DLGAP2: variants seen among roughly 807,000 people sequenced by gnomAD.
The protein encoded by DLGAP2 is DLG associated protein 2.
Under a neutral mutation model 100.3 loss-of-function variants are expected in DLGAP2, and 26 were observed. The observed-to-expected ratio is 0.26, with a 90% CI of 0.19 to 0.36. DLGAP2 has a LOEUF of 0.36. DLGAP2 is among the 10% of genes least tolerant of loss of function. The pLI is 1.00. For synonymous variants in DLGAP2, 886 were observed against 630.1 expected (o/e 1.41, Z -6.08); for missense variants, 1,858 against 1,453.2 (o/e 1.28, Z -4.53).
At chr8:1,516,886 C>T (rs1800412168) in intron 4 of DLGAP2, among the ~76,000 whole-genome samples, 1 of 152,190 alleles carries the variant, frequency 6.6e-6, no homozygotes, top group African/African-American at 2.4e-5. Context: ...CCTACAGCTT[C>T]AAGAGGATGA....
At chr8:779,168 C>T (rs553121723) in intron 1 of DLGAP2, among the ~76,000 whole-genome samples, 34 of 152,348 alleles carry the variant, frequency 2.2e-4, no homozygotes, top group African/African-American at 7.0e-4. Flanking sequence ...TTGCGCTTCC[C>T]GAGTGAGGCA....
chr8:1,501,344 G>A (rs1227579640), intron 3 of DLGAP2, 22 bp from the exon 4 acceptor site: 2 of 1,535,836 alleles, frequency 1.3e-6, no homozygotes, highest in Non-Finnish European at 1.7e-6. Context: ...ATTAAAGAGT[G>A]ACTTTGTTTC....
At chr8:808,924 T>TTTTTTTTG (rs1796318767) in intron 1 of DLGAP2, among the ~76,000 whole-genome samples, 1 of 127,044 alleles carries the variant, frequency 7.9e-6, no homozygotes. Context: ...TTTTTTTTTC[T>TTTTTTTTG]GAGATGGAGT....
At chr8:1,691,793 G>A (rs998496969) in intron 13 of DLGAP2, among the ~76,000 whole-genome samples, 167 bp downstream of exon 13, 1 of 152,016 alleles carries the variant, frequency 6.6e-6, no homozygotes, top group Non-Finnish European at 1.5e-5. Flanking sequence ...GAGACGATTC[G>A]GCCCTGGTTT....
intron 3 of DLGAP2, among the ~76,000 whole-genome samples, chr8:1,308,234 C>T (rs1376166586): frequency 6.6e-6 from 1 of 152,164 alleles, no homozygotes; most frequent in Non-Finnish European, 1.5e-5. Flanking sequence ...TCGTTTGTAG[C>T]TCTTGGCATT....
chr8:946,879 CG>C (rs1799339025), intron 2 of DLGAP2, among the ~76,000 whole-genome samples: 1 of 152,210 alleles, frequency 6.6e-6, no homozygotes, highest in African/African-American at 2.4e-5. Context: ...CAGCAGCCTT[CG>C]TAGCACAGTC....
Position 1,196,071 on chromosome 8 carries a change from G to A in DLGAP2, c.74-62780G>A, listed in dbSNP as rs987617025. Among the ~76,000 whole-genome samples, 4 of 152,296 alleles carry A rather than the reference G, an allele frequency of 2.6e-5. 1 individual carries two copies. The stretch of plus-strand genomic sequence containing the variant: ...AAAATGAAACTGAGGCCACAACCTG[G>A]AAAGCTGTGTCATAACTTAGGCATC... On this transcript the variant is annotated intron_variant, in intron 2 of 14. Transcript: ENST00000637795.
rs111902061 is a variant in DLGAP2, at chr8:1,255,460, C to G, written c.74-3391C>G. Among the ~76,000 whole-genome samples the G allele has an allele frequency of 1.6e-3, 210 of 129,520 alleles. 5 individuals carry two copies. The highest frequency in any genetic ancestry group is 5.7e-3 in the African/African-American group (194 of 33,992). The allele number at this position is 129,520 out of a possible 152,430, so 85.0% of individuals were successfully genotyped here. A position where few individuals can be genotyped will look rare whatever the true frequency, so the allele number is the denominator to read the frequency against. On this transcript the variant is annotated intron_variant, in intron 2 of 14. Transcript: ENST00000637795. ...TGCCCGAGCACTGTATGTGTGTCCT[C>G]TCTTGCCTGGGTGCTGTGTGTGTGT...
At chr8:888,370 A>G (rs915002413) in intron 1 of DLGAP2, among the ~76,000 whole-genome samples, 4 of 152,178 alleles carry the variant, frequency 2.6e-5, no homozygotes, top group African/African-American at 9.7e-5. Flanking sequence ...CATCTTCTGA[A>G]GCTTACTTCT....
intron 2 of DLGAP2, among the ~76,000 whole-genome samples, chr8:1,252,873 T>C (rs1048988488): frequency 6.6e-6 from 1 of 152,202 alleles, no homozygotes; most frequent in Admixed American, 6.5e-5. Flanking sequence ...TTGGTGTTTT[T>C]CTCCCTGTGT....
At chr8:741,333 C>T (rs768322011) in intron 1 of DLGAP2, among the ~76,000 whole-genome samples, 7 of 151,952 alleles carry the variant, frequency 4.6e-5, no homozygotes, top group African/African-American at 7.3e-5. Flanking sequence ...AATTAATCTC[C>T]TCAGCAAAGG....
rs530016662 is a variant in DLGAP2 at position 1,363,283 on chromosome 8, G to A, written c.106+104400G>A. Among the ~76,000 whole-genome samples the A allele has an allele frequency of 1.1e-4, 17 of 152,242 alleles. No homozygotes were observed. The South Asian group carries it at 1.7e-3, about 15-fold the overall frequency. On this transcript the variant is annotated intron_variant, in intron 3 of 14. Coordinates refer to ENST00000637795, the MANE Select transcript of DLGAP2 (RefSeq NM_001346810.2). ...GCCCCCACGCCCATGGCATGCTTGC[G>A]GCTGTCTCTCCTGCCTCTGCCTTGC...
At chr8:814,930 C>G (rs1374386274) in intron 1 of DLGAP2, among the ~76,000 whole-genome samples, 1 of 149,426 alleles carries the variant, frequency 6.7e-6, no homozygotes, top group Non-Finnish European at 1.5e-5. Flanking sequence ...ATTTATAGAT[C>G]AGATATATCT....
At chr8:1,117,311 G>C (rs998091202) in intron 2 of DLGAP2, among the ~76,000 whole-genome samples, 1 of 152,244 alleles carries the variant, frequency 6.6e-6, no homozygotes, top group South Asian at 2.1e-4. Flanking sequence ...ACCACTCAGA[G>C]GTGCCACACT....
intron 3 of DLGAP2, among the ~76,000 whole-genome samples, chr8:1,358,499 C>G (rs958308095): frequency 1.6e-4 from 24 of 152,286 alleles, no homozygotes; most frequent in South Asian, 8.3e-4. Flanking sequence ...CTGCGTTCAC[C>G]CACTTCACCA....
chr8:1,213,143 A>G (rs1189709432), intron 2 of DLGAP2, among the ~76,000 whole-genome samples: 1 of 152,106 alleles, frequency 6.6e-6, no homozygotes. Flanking sequence ...ATCATCCTCA[A>G]GTCACGTCAT....
At chr8:1,328,136 T>G (rs1801065401) in intron 3 of DLGAP2, among the ~76,000 whole-genome samples, 1 of 151,930 alleles carries the variant, frequency 6.6e-6, no homozygotes, top group Non-Finnish European at 1.5e-5. Context: ...ACCTCCCAGG[T>G]TCAAGCTATT....
At chr8:785,216 C>T (rs1169869271) in intron 1 of DLGAP2, among the ~76,000 whole-genome samples, 25 of 67,048 alleles carry the variant, frequency 3.7e-4, no homozygotes, top group Admixed American at 3.2e-3. Flanking sequence ...AGCGAGACTC[C>T]GCCTCAAAAA....
chr8:811,457 G>A (rs1291438182), intron 1 of DLGAP2, among the ~76,000 whole-genome samples: 3 of 148,140 alleles, frequency 2.0e-5, no homozygotes, highest in African/African-American at 7.5e-5. Context: ...ATCAACCTTG[G>A]AATGAGCAGG....
Sources: allele counts gnomAD v4.1 joint callset (sites outside exome capture counted in the v4.1 genomes callset), GRCh38; gene constraint gnomAD v4.1.1; transcripts MANE v1.5; gene names NCBI Gene and HGNC (gene_info 2026-07-23, HGNC 2026-07-21).